Variants in BBS9 observed in about 807,000 individuals in gnomAD.
BBS9 encodes Bardet-Biedl syndrome 9.
BBS9 carries 89 observed loss-of-function variants against 117.7 expected under a neutral mutation model. The observed-to-expected ratio is 0.76, with a 90% CI of 0.64 to 0.90. The LOEUF (loss-of-function observed/expected upper bound fraction) is 0.90, where lower values mean the gene tolerates loss of function less well. Among genes scored for constraint, BBS9 ranks in the 40% least tolerant of loss-of-function variants. The pLI, the probability that BBS9 is intolerant of heterozygous loss-of-function variation, is 0.00. For synonymous variants in BBS9, 379 were observed against 370.9 expected (o/e 1.02, Z -0.25); for missense variants, 982 against 1,042.2 (o/e 0.94, Z 0.80).
intron 9 of BBS9, among the ~76,000 whole-genome samples, chr7:33,291,836 A>AATAGG (rs976451932): frequency 2.8e-4 from 42 of 152,292 alleles, no homozygotes; most frequent in African/African-American, 8.9e-4. Context: ...TATGAATTTT[A>AATAGG]ATAGGTCTTA....
chr7:33,487,281 G>T (rs755006459), intron 19 of BBS9, among the ~76,000 whole-genome samples: 1 of 152,136 alleles, frequency 6.6e-6, no homozygotes, highest in African/African-American at 2.4e-5. Context: ...ATAAGCTACT[G>T]GTTTTTATAC....
chr7:33,624,206 A>G (rs1021711787), intron 21 of BBS9, among the ~76,000 whole-genome samples: 3 of 152,164 alleles, frequency 2.0e-5, no homozygotes, highest in Non-Finnish European at 4.4e-5. Context: ...AACAATGGCT[A>G]TTTTAGTTTT....
intron 15 of BBS9, 175 bp from the exon 16 acceptor site, chr7:33,357,680 A>T: frequency 1.4e-6 from 1 of 726,854 alleles, no homozygotes; most frequent in Non-Finnish European, 2.4e-6. Context: ...TTTTGAAAAT[A>T]GTAATGAAAT....
intron 4 of BBS9, among the ~76,000 whole-genome samples, chr7:33,165,167 T>C (rs1009144778): frequency 3.9e-5 from 6 of 152,216 alleles, no homozygotes; most frequent in African/African-American, 1.2e-4. Context: ...CCCACTCTCT[T>C]CTGGCTTGTA....
chr7:33,560,163 G>C (rs981205184), intron 21 of BBS9, among the ~76,000 whole-genome samples: 6 of 152,100 alleles, frequency 3.9e-5, no homozygotes, highest in Non-Finnish European at 7.3e-5. Flanking sequence ...TACCCCTAGC[G>C]CTTAACATAG....
intron 5 of BBS9, among the ~76,000 whole-genome samples, chr7:33,249,690 C>G (rs534533329): frequency 6.1e-4 from 93 of 152,168 alleles, no homozygotes; most frequent in Non-Finnish European, 9.9e-4. Context: ...CTGTTGAAAT[C>G]TCCTAGTTTT....
intron 4 of BBS9, among the ~76,000 whole-genome samples, chr7:33,173,544 C>G (rs1404277076): frequency 1.3e-5 from 2 of 150,652 alleles, no homozygotes; most frequent in Non-Finnish European, 2.9e-5. Flanking sequence ...TGCACTCCAG[C>G]CTTGGCAACA....
intron 1 of BBS9, among the ~76,000 whole-genome samples, chr7:33,136,378 A>G (rs1790463278): frequency 6.6e-6 from 1 of 152,132 alleles, no homozygotes; most frequent in Non-Finnish European, 1.5e-5. Context: ...TATAGTTGAG[A>G]GCATCCAGTA....
At position 33,443,684 on chromosome 7, in the gene BBS9, A is replaced by G. The variant is rs1836558389; in HGVS notation, c.2115+55540A>G. Among the ~76,000 whole-genome samples, 4 of 152,232 alleles carry G rather than the reference A, an allele frequency of 2.6e-5. No homozygotes were observed. In the East Asian group the frequency reaches 7.7e-4, roughly 29 times the overall value. On this transcript the variant is annotated intron_variant, in intron 19 of 22. Coordinates refer to ENST00000242067, the MANE Select transcript of BBS9 (RefSeq NM_198428.3). ...TTGATCTTCTATTGTACCTGTAAGA[A>G]GTTCATCTTGGCATTCTCTTGTAGT...
intron 19 of BBS9, among the ~76,000 whole-genome samples, chr7:33,397,222 C>T (rs541490750): frequency 1.3e-3 from 205 of 152,214 alleles, no homozygotes; most frequent in African/African-American, 4.7e-3. Context: ...TGAAAAAGCT[C>T]GGCATCACTG....
upstream of BBS9, chr7:33,129,302 C>T: frequency 1.8e-6 from 1 of 550,490 alleles, no homozygotes; most frequent in Non-Finnish European, 3.2e-6. Context: ...CGTGGCCTGC[C>T]CCCGGAGCCC....
intron 9 of BBS9, among the ~76,000 whole-genome samples, chr7:33,320,074 C>T (rs891639588): frequency 2.6e-5 from 4 of 152,140 alleles, no homozygotes; most frequent in Non-Finnish European, 5.9e-5. Context: ...GGTTTCTTCA[C>T]TTCAAGTACT....
chr7:33,194,863 G>T (rs1583569684), intron 5 of BBS9, among the ~76,000 whole-genome samples: 1 of 152,164 alleles, frequency 6.6e-6, no homozygotes, highest in South Asian at 2.1e-4. Flanking sequence ...TGTGGAGAGA[G>T]AGCTAGTATT....
chr7:33,505,883 A>T, intron 20 of BBS9: 1 of 533,256 alleles, frequency 1.9e-6, no homozygotes, highest in African/African-American at 1.9e-5. Context: ...TCTACTTTTT[A>T]TGTGTTCTTC....
intron 9 of BBS9, among the ~76,000 whole-genome samples, chr7:33,276,456 T>C (rs1208074682): frequency 6.6e-6 from 1 of 152,110 alleles, no homozygotes; most frequent in East Asian, 1.9e-4. Flanking sequence ...CCGTGGACCA[T>C]GGGGAGAGCA....
chr7:33,505,661 C>T lies in BBS9; in HGVS notation c.2298+16C>T. 1 of 1,611,972 alleles carries T rather than the reference C, an allele frequency of 6.2e-7. No homozygotes were observed. The highest frequency in any genetic ancestry group is 8.5e-7 in the Non-Finnish European group (1 of 1,179,682). ...TCAAGAATTGGTAAGGACCTGAAAG[C>T]CTGTGGTGGGAACAGCCAGCATTAT... On this transcript the variant is annotated intron_variant, in intron 20 of 22. Coordinates refer to ENST00000242067, the MANE Select transcript of BBS9 (RefSeq NM_198428.3).
chr7:33,380,356 T>C (rs1024282518), intron 17 of BBS9: 2 of 157,452 alleles, frequency 1.3e-5, no homozygotes, highest in African/African-American at 4.8e-5. Flanking sequence ...TCCTTGGCCT[T>C]GTGCCCCACT....
chr7:33,336,459 A>C lies in BBS9; in HGVS notation c.1035A>C (p.Ile345=). 6.2e-7 allele frequency: 1 copy of C among 1,613,488 alleles called. No homozygotes were observed. The highest frequency in any genetic ancestry group is 1.1e-5 in the South Asian group (1 of 91,028). ...VGCLHDLKGV[I]VTLSDDGHLQ... ...ATTGTAGTGATTTAAAGGGAGTGAT[A>C]GTCACTCTGAGTGATGATGGTCACT... The change falls in exon 10 of 23, where the codon ATA becomes ATC. Residue 345 remains isoleucine (I), a synonymous_variant. Transcript: ENST00000242067.
intron 4 of BBS9, among the ~76,000 whole-genome samples, chr7:33,166,116 G>A (rs570930896): frequency 1.4e-4 from 22 of 152,336 alleles, no homozygotes; most frequent in Admixed American, 1.4e-3. Flanking sequence ...GTCTGTTCGA[G>A]TGTGCTGGAG....
Sources: gnomAD v4.1 joint callset for allele counts (sites outside exome capture counted in the v4.1 genomes callset) on GRCh38, gnomAD v4.1.1 for gene constraint, MANE v1.5 for transcripts, NCBI Gene and HGNC (gene_info 2026-07-23, HGNC 2026-07-21) for gene names.